The following ENOX1 variants were observed in gnomAD, a reference collection of about 807,000 sequenced individuals.
ENOX1 encodes ecto-NOX disulfide-thiol exchanger 1, also known as candidate growth-related and time keeping constitutive hydroquinone (NADH) oxidase.
A neutral mutation model predicts 82.5 loss-of-function variants in ENOX1; 42 were observed. That is an observed-to-expected ratio of 0.51 (90% CI 0.40 to 0.66). The LOEUF is 0.66. Ranked by LOEUF, ENOX1 falls within the 30% of genes least tolerant of loss-of-function variation. The probability of loss-of-function intolerance (pLI) is 0.00; values close to 1 mark genes in which losing one functional copy is unlikely to be tolerated. For synonymous variants in ENOX1, 271 were observed against 282.2 expected, an observed-to-expected ratio of 0.96 and a Z score of 0.40; for missense variants, 608 against 811.6, an observed-to-expected ratio of 0.75 and a Z score of 3.05.
intron 2 of ENOX1, among the ~76,000 whole-genome samples, chr13:43,536,194 T>C (rs1012529140): frequency 7.2e-5 from 11 of 152,240 alleles, no homozygotes; most frequent in African/African-American, 2.4e-4. Flanking sequence ...ATTGCTATAA[T>C]GCTGCATCAT....
chr13:43,219,641 C>G (rs1411233917), intron 16 of ENOX1, among the ~76,000 whole-genome samples: 1 of 152,184 alleles, frequency 6.6e-6, no homozygotes, highest in African/African-American at 2.4e-5. Context: ...AACTAAGGAG[C>G]TTGTGTGCTG....
chr13:43,329,665 G>A (rs2048314950), intron 9 of ENOX1, among the ~76,000 whole-genome samples: 1 of 152,128 alleles, frequency 6.6e-6, no homozygotes, highest in Non-Finnish European at 1.5e-5. Flanking sequence ...GTAAAACTAA[G>A]TGGGATTTAA....
chr13:43,468,111 T>C (rs2057817200), intron 3 of ENOX1, among the ~76,000 whole-genome samples: 1 of 152,176 alleles, frequency 6.6e-6, no homozygotes, highest in South Asian at 2.1e-4. Flanking sequence ...TCCTCTAACA[T>C]TGTTCTTTTT....
chr13:43,368,523 G>A (rs1354183643), intron 5 of ENOX1, among the ~76,000 whole-genome samples: 4 of 152,146 alleles, frequency 2.6e-5, no homozygotes, highest in Non-Finnish European at 5.9e-5. Context: ...GGAGGTAAGC[G>A]CTCATCACAG....
In ENOX1 at chr13:43,269,498, T is replaced by C. The variant is rs759750427; in HGVS notation, c.1526A>G (p.Gln509Arg). 1.2e-6 allele frequency: 2 copies of C among 1,613,962 alleles called. No individual in the cohort carries two copies. Among genetic ancestry groups the C allele is most frequent in the Non-Finnish European group, 1.7e-6 (2 of 1,179,840 alleles). The part of the protein sequence containing the change: ...EQAKEEQSHT[Q>R]ALLKVLQEQL... ...TTCCTGCAGGACTTTTAGTAACGCT[T>C]GTGTATGGGACTGCTCTTCCTTTGC... is the stretch of plus-strand genomic sequence containing the variant. The change falls in exon 13 of 17, where the codon CAA (glutamine) becomes CGA (arginine). Residue 509 changes from glutamine (Q) to arginine (R), a missense_variant. By Grantham distance (43) the Gln-to-Arg change is conservative. Coordinates refer to ENST00000690772, the MANE Select transcript of ENOX1 (RefSeq NM_001347969.2).
chr13:43,452,379 T>C (rs528238665), intron 3 of ENOX1, among the ~76,000 whole-genome samples: 2 of 152,318 alleles, frequency 1.3e-5, no homozygotes, highest in South Asian at 4.1e-4. Flanking sequence ...GTGTTTGGTT[T>C]TCTGTTCTTG....
At chr13:43,727,920 T>C (rs1449148144) in intron 1 of ENOX1, among the ~76,000 whole-genome samples, 1 of 152,178 alleles carries the variant, frequency 6.6e-6, no homozygotes, top group Non-Finnish European at 1.5e-5. Flanking sequence ...GTATAAACAA[T>C]ACTGAGAATT....
At chr13:43,447,786 A>G (rs565116318) in intron 3 of ENOX1, among the ~76,000 whole-genome samples, 54 of 152,280 alleles carry the variant, frequency 3.5e-4, no homozygotes, top group Middle Eastern at 3.4e-3. Context: ...TTATTGTTGA[A>G]GCTATCAGAA....
chr13:43,736,069 A>T (rs973370165), intron 1 of ENOX1, among the ~76,000 whole-genome samples: 2 of 152,130 alleles, frequency 1.3e-5, no homozygotes, highest in African/African-American at 4.8e-5. Flanking sequence ...CTTTGCACTC[A>T]GTCAGCTTGG....
chr13:43,452,282 C>T (rs549162287), intron 3 of ENOX1, among the ~76,000 whole-genome samples: 6 of 152,256 alleles, frequency 3.9e-5, no homozygotes, highest in South Asian at 2.1e-4. Context: ...GCCCCACACC[C>T]CTTGACGGGC....
intron 1 of ENOX1, among the ~76,000 whole-genome samples, chr13:43,714,013 C>T (rs1370171593): frequency 7.2e-6 from 1 of 139,832 alleles, no homozygotes; most frequent in Non-Finnish European, 1.5e-5. Context: ...GTTAGGGTGT[C>T]AATTTTGGAT....
At chr13:43,487,434 G>T (rs1268331185) in intron 2 of ENOX1, among the ~76,000 whole-genome samples, 3 of 152,106 alleles carry the variant, frequency 2.0e-5, no homozygotes, top group African/African-American at 4.8e-5. Flanking sequence ...AAAAACATAG[G>T]TTCATGAAAT....
chr13:43,487,922 G>T (rs149895199), intron 2 of ENOX1, among the ~76,000 whole-genome samples: 1,807 of 152,124 alleles, frequency 0.012, 19 homozygotes, highest in Middle Eastern at 0.024. Context: ...CTTATTTCCC[G>T]CATATTCGGG....
At position 43,316,709 on chromosome 13, in the gene ENOX1, A is replaced by G. The variant is rs151001458; in HGVS notation, c.1261+5675T>C. On this transcript the variant is annotated intron_variant, in intron 11 of 16. Coordinates refer to ENST00000690772, the MANE Select transcript of ENOX1 (RefSeq NM_001347969.2). ...TTGTAACTGCACATGAAATTAGGGA[A>G]CTTAAAAATCCACCCAAAATAAATA... is the stretch of plus-strand genomic sequence containing the variant. Among the ~76,000 whole-genome samples the G allele has an allele frequency of 1.5e-3, 232 of 152,226 alleles. 2 individuals are homozygous for G. Among genetic ancestry groups the G allele is most frequent in the African/African-American group, 5.2e-3 (216 of 41,544 alleles).
intron 1 of ENOX1, among the ~76,000 whole-genome samples, chr13:43,776,749 A>G (rs555807229): frequency 6.6e-6 from 1 of 152,174 alleles, no homozygotes; most frequent in Admixed American, 6.5e-5. Flanking sequence ...AGCTAGAACC[A>G]GAGAAGGTCT....
At chr13:43,242,326 G>A (rs9533436) in intron 14 of ENOX1, among the ~76,000 whole-genome samples, 75,694 of 152,066 alleles carry the variant, frequency 0.5, 20,740 homozygotes, top group Middle Eastern at 0.63. Flanking sequence ...TCCTCTGCTG[G>A]CCCAGTGAAT....
intron 2 of ENOX1, among the ~76,000 whole-genome samples, chr13:43,539,606 G>GT (rs927091936): frequency 4.6e-5 from 7 of 152,012 alleles, no homozygotes; most frequent in African/African-American, 1.7e-4. Context: ...TGGCTCACAA[G>GT]TTTTTTTATA....
chr13:43,361,545 C>A, intron 5 of ENOX1, 93 bp from the exon 6 acceptor site: 1 of 1,203,782 alleles, frequency 8.3e-7, no homozygotes, highest in Non-Finnish European at 1.2e-6. Context: ...TGACTTTATA[C>A]TTTCTATTTT....
chr13:43,219,327 A>C (rs2041661919), intron 16 of ENOX1, among the ~76,000 whole-genome samples: 1 of 152,188 alleles, frequency 6.6e-6, no homozygotes, highest in African/African-American at 2.4e-5. Context: ...ACTGTGTAGC[A>C]CTGTGATATA....
Sources: gnomAD v4.1 joint callset for allele counts (sites outside exome capture counted in the v4.1 genomes callset) on GRCh38, gnomAD v4.1.1 for gene constraint, MANE v1.5 for transcripts, NCBI Gene and HGNC (gene_info 2026-07-23, HGNC 2026-07-21) for gene names.